CECR2: variants seen among roughly 807,000 people sequenced by gnomAD.
The protein encoded by CECR2 is CECR2 histone acetyl-lysine reader.
In CECR2, 30 loss-of-function variants were observed where a neutral mutation model predicts 154.5. That is an observed-to-expected ratio of 0.19 (90% CI 0.15 to 0.26). CECR2 has a LOEUF of 0.26. CECR2 is among the 10% of genes least tolerant of loss of function. The pLI is 1.00. For missense variants in CECR2, 1,743 were observed against 1,829.3 expected (o/e 0.95, Z 0.86); for synonymous variants, 725 against 683.7 (o/e 1.06, Z -0.94).
At chr22:17,391,403 G>A (rs1391940847) in intron 1 of CECR2, among the ~76,000 whole-genome samples, 2 of 152,226 alleles carry the variant, frequency 1.3e-5, no homozygotes, top group Non-Finnish European at 2.9e-5. Flanking sequence ...GGCTACTAGT[G>A]AAGTAATTAC....
At chr22:17,459,765 T>G (rs953611938) in intron 1 of CECR2, among the ~76,000 whole-genome samples, 3 of 152,238 alleles carry the variant, frequency 2.0e-5, no homozygotes, top group African/African-American at 7.2e-5. Flanking sequence ...CATCCTTCAC[T>G]CTTTGAAAAT....
At chr22:17,536,542 C>T (rs374365066) in intron 9 of CECR2, among the ~76,000 whole-genome samples, 27 of 152,312 alleles carry the variant, frequency 1.8e-4, no homozygotes, top group South Asian at 1.2e-3. Context: ...ATCCCACTGG[C>T]GGCAGGGCCT....
In CECR2 at chr22:17,554,096, A is replaced by G. The variant is rs2056747811; in HGVS notation, c.*1256A>G. On this transcript the variant is annotated 3_prime_UTR_variant, in exon 19 of 19. Transcript: ENST00000262608. ...CTTGGAATTATCTGTTGTATCTGTG[A>G]TAGGAAACCATTTTACAGTATTAAA... is the stretch of plus-strand genomic sequence containing the variant. The G allele has an allele frequency of 6.6e-6, 1 of 152,200 alleles. No individual in the cohort carries two copies. The highest frequency in any genetic ancestry group is 6.5e-5 in the Admixed American group (1 of 15,268). The allele number at this position is 152,200 out of a possible 1,614,324, so 9.4% of individuals were successfully genotyped here.
At chr22:17,362,006 C>T (rs1307283259) in intron 1 of CECR2, among the ~76,000 whole-genome samples, 1 of 151,948 alleles carries the variant, frequency 6.6e-6, no homozygotes, top group Non-Finnish European at 1.5e-5. Context: ...GGAATCCTCG[C>T]CTGGAGTCTT....
At chr22:17,385,636 T>G (rs1297754119) in intron 1 of CECR2, among the ~76,000 whole-genome samples, 1 of 152,182 alleles carries the variant, frequency 6.6e-6, no homozygotes, top group East Asian at 1.9e-4. Flanking sequence ...CATGAAAATG[T>G]TTGAAATATT....
chr22:17,541,083 C>T lies in CECR2; in HGVS notation c.1884+283C>T, dbSNP rs148353769. ...ATAGGCATGAGCCACTGTGTCTAGC[C>T]ATTCCTTTATTCTAAATCCTCCTTT... is the stretch of plus-strand genomic sequence containing the variant. On this transcript the variant is annotated intron_variant, in intron 14 of 18. Transcript: ENST00000262608. Among the ~76,000 whole-genome samples the T allele has an allele frequency of 6.8e-4, 103 of 152,276 alleles. 2 individuals are homozygous for T. The East Asian group carries it at 0.015, about 23-fold the overall frequency.
chr22:17,397,130 ATTTAT>A (rs1373863548), intron 1 of CECR2, among the ~76,000 whole-genome samples: 2 of 148,398 alleles, frequency 1.3e-5, no homozygotes, highest in Non-Finnish European at 3.0e-5. Context: ...TTTTTTTTTT[ATTTAT>A]TTTATTTATT....
At chr22:17,487,956 C>CA (rs996100769) in intron 2 of CECR2, among the ~76,000 whole-genome samples, 19 of 152,236 alleles carry the variant, frequency 1.2e-4, no homozygotes, top group Non-Finnish European at 2.5e-4. Flanking sequence ...GATCTCGACT[C>CA]ACTGCAACCT....
chr22:17,380,967 T>G (rs540672357), intron 1 of CECR2, among the ~76,000 whole-genome samples: 19 of 152,172 alleles, frequency 1.2e-4, no homozygotes, highest in Non-Finnish European at 2.6e-4. Context: ...AGCAAATCCT[T>G]TCTCTTCTCC....
chr22:17,413,136 T>C (rs1420346558), intron 1 of CECR2, among the ~76,000 whole-genome samples: 1 of 152,100 alleles, frequency 6.6e-6, no homozygotes, highest in Non-Finnish European at 1.5e-5. Context: ...AGGCTGGTGA[T>C]GGATGAGGGT....
chr22:17,379,583 T>G (rs911440776), intron 1 of CECR2, among the ~76,000 whole-genome samples: 123 of 107,906 alleles, frequency 1.1e-3, no homozygotes, highest in Middle Eastern at 5.1e-3. Context: ...ACGTTGAAGG[T>G]GTGTGTGTGT....
chr22:17,548,718 C>T lies in CECR2; in HGVS notation c.3431C>T (p.Pro1144Leu). The T allele has an allele frequency of 1.2e-6, 2 of 1,613,648 alleles. No individual in the cohort carries two copies. The highest frequency in any genetic ancestry group is 1.7e-6 in the Non-Finnish European group (2 of 1,179,756). The change falls in exon 17 of 19, where the codon CCT becomes CTT. Residue 1144 changes from proline to leucine, a missense_variant. Physicochemically the swap from Pro to Leu is moderately conservative, Grantham distance 98. This residue lies in a region of CECR2 where 1,250 missense variants were observed against 1,192.1 expected (regional missense o/e 1.05). Transcript: ENST00000262608. ...AGTCCAGGCCTGCAGGGTGTGGGCCCTGTGATGGGAGGGAAGTCCCCAGCA... is the reference window on the plus strand; with the variant it reads ...AGTCCAGGCCTGCAGGGTGTGGGCCTTGTGATGGGAGGGAAGTCCCCAGCA... ...HISPGLQGVG[P>L]VMGGKSPASH...
rs762655275 is a variant in CECR2, at chr22:17,549,319, G to T, written c.4032G>T (p.Gln1344His). ...TTCCACCCCACAGTGTGATGCTGCAGACGGGGCCTCCCTATACCCCTCAGC... is the reference window on the plus strand; with the variant it reads ...TTCCACCCCACAGTGTGATGCTGCATACGGGGCCTCCCTATACCCCTCAGC... Reference protein sequence around the residue: ...SAFPPHSVMLQTGPPYTPQRP... With the variant: ...SAFPPHSVMLHTGPPYTPQRP... The change falls in exon 17 of 19, where the codon CAG (glutamine) becomes CAT (histidine). Residue 1344 changes from glutamine to histidine, a missense_variant. This residue lies in a region of CECR2 where 1,250 missense variants were observed against 1,192.1 expected (regional missense o/e 1.05). Transcript: ENST00000262608. 6.2e-7 allele frequency: 1 copy of T among 1,614,022 alleles called. No homozygotes were observed.
At chr22:17,468,055 C>T (rs184770084) in intron 1 of CECR2, among the ~76,000 whole-genome samples, 71 of 152,238 alleles carry the variant, frequency 4.7e-4, no homozygotes, top group Non-Finnish European at 5.6e-4. Flanking sequence ...GCCCCTTAAA[C>T]GGGGCTTGTC....
chr22:17,367,557 ATGTAT>A (rs200612647), upstream of CECR2, among the ~76,000 whole-genome samples: 2,054 of 151,778 alleles, frequency 0.014, 50 homozygotes, highest in African/African-American at 0.047. Context: ...ATCTAATTTT[ATGTAT>A]TTTTAGTAGA....
intron 1 of CECR2, among the ~76,000 whole-genome samples, chr22:17,434,272 C>T (rs748485536): frequency 5.3e-5 from 8 of 152,170 alleles, no homozygotes; most frequent in South Asian, 2.1e-4. Flanking sequence ...TCAGCTTGAA[C>T]GAAGGCGAGG....
chr22:17,489,122 C>CG (rs201055523), intron 2 of CECR2, among the ~76,000 whole-genome samples: 7 of 152,078 alleles, frequency 4.6e-5, no homozygotes, highest in African/African-American at 1.4e-4. Flanking sequence ...TTAGTAGAGA[C>CG]GGGGTTTCAC....
chr22:17,482,075 A>T (rs113765882), intron 2 of CECR2, among the ~76,000 whole-genome samples: 2,875 of 133,570 alleles, frequency 0.022, 134 homozygotes, highest in African/African-American at 0.078. Flanking sequence ...AGATCACGCC[A>T]CTGCTCTCCA....
intron 5 of CECR2, among the ~76,000 whole-genome samples, chr22:17,501,176 C>CT (rs2055731381): frequency 6.6e-6 from 1 of 152,152 alleles, no homozygotes; most frequent in African/African-American, 2.4e-5. Flanking sequence ...AGCTCTATCA[C>CT]TAAGCCTATT....
Sources: gnomAD v4.1 joint callset for allele counts (sites outside exome capture counted in the v4.1 genomes callset) on GRCh38, gnomAD v4.1.1 for gene constraint, gnomAD v4.1.1 regional missense constraint, MANE v1.5 for transcripts, NCBI Gene and HGNC (gene_info 2026-07-23, HGNC 2026-07-21) for gene names.